Variants in EIF2S3B observed in about 807,000 individuals in gnomAD.
EIF2S3B encodes the protein eukaryotic translation initiation factor 2 subunit 3B.
In EIF2S3B, 16 loss-of-function variants were observed where a neutral mutation model predicts 26.4. The ratio of observed to expected loss-of-function variants is 0.61; its 90% CI spans 0.41 to 0.92. EIF2S3B has a LOEUF of 0.92. Ranked by LOEUF, EIF2S3B falls within the 40% of genes least tolerant of loss-of-function variation. The probability of loss-of-function intolerance (pLI) is 0.00; values close to 1 mark genes in which losing one functional copy is unlikely to be tolerated. For synonymous variants in EIF2S3B, 183 were observed against 204.4 expected (o/e 0.90, Z 0.89); for missense variants, 510 against 575.5 (o/e 0.89, Z 1.16).
downstream of EIF2S3B, among the ~76,000 whole-genome samples, chr12:10,508,961 G>A (rs949644145): frequency 2.6e-5 from 4 of 152,234 alleles, no homozygotes; most frequent in Non-Finnish European, 4.4e-5. Context: ...TAATATTTAT[G>A]TGAGGGTAAT....
exon 2 of EIF2S3B, chr12:10,522,705 T>C: frequency 2.9e-6 from 2 of 685,620 alleles, no homozygotes; most frequent in Non-Finnish European, 5.3e-6. Flanking sequence ...GGAAATCATT[T>C]CTTTCTTTAA....
intron 1 of EIF2S3B, among the ~76,000 whole-genome samples, chr12:10,516,699 G>T (rs1400648836): frequency 6.6e-6 from 1 of 151,808 alleles, no homozygotes; most frequent in East Asian, 1.9e-4. Flanking sequence ...AGTTTTCAAA[G>T]GGAATGCTTC....
At chr12:10,513,357 G>A (rs1021448764), downstream of EIF2S3B, among the ~76,000 whole-genome samples, 1 of 152,124 alleles carries the variant, frequency 6.6e-6, no homozygotes, top group Non-Finnish European at 1.5e-5. Flanking sequence ...TGGCTATCAG[G>A]CATAAATCCC....
At position 10,507,398 on chromosome 12, in the gene EIF2S3B, C is replaced by G. The variant is rs1268267815; in HGVS notation, c.*77C>G. 9.9e-6 allele frequency: 15 copies of G among 1,515,680 alleles called. No individual in the cohort carries two copies. Among genetic ancestry groups the G allele is most frequent in the Non-Finnish European group, 1.4e-5 (15 of 1,093,004 alleles). The allele number at this position is 1,515,680 out of a possible 1,614,324, so 93.9% of individuals were successfully genotyped here. ...CTTTAACAACCAAGGGGTTTATTTT[C>G]AAAGCGATATTGGGGAATTGATTTC... On this transcript the variant is annotated 3_prime_UTR_variant, in exon 1 of 1. Coordinates refer to ENST00000538173, the MANE Select transcript of EIF2S3B (RefSeq NM_001357734.3).
chr12:10,509,441 T>C (rs1262660775), downstream of EIF2S3B, among the ~76,000 whole-genome samples: 2 of 152,124 alleles, frequency 1.3e-5, no homozygotes, highest in Non-Finnish European at 2.9e-5. Flanking sequence ...ATTTTTAAAA[T>C]ATTTACCATA....
intron 1 of EIF2S3B, among the ~76,000 whole-genome samples, chr12:10,520,251 A>G (rs1864815539): frequency 6.6e-6 from 1 of 151,596 alleles, no homozygotes; most frequent in South Asian, 2.1e-4. Flanking sequence ...TCAGTAAACT[A>G]TCACAAGGAC....
At chr12:10,512,361 G>C (rs778532766), downstream of EIF2S3B, among the ~76,000 whole-genome samples, 1 of 152,040 alleles carries the variant, frequency 6.6e-6, no homozygotes, top group Non-Finnish European at 1.5e-5. Flanking sequence ...TCACAAAACT[G>C]TACAGATGCA....
intron 1 of EIF2S3B, among the ~76,000 whole-genome samples, chr12:10,516,001 TAAATTTTATTAAAATAAATTATTTTA>T (rs1480661144): frequency 6.7e-6 from 1 of 150,072 alleles, no homozygotes; most frequent in Non-Finnish European, 1.5e-5. Context: ...AACATATTTT[TAAATTTTATTAAAATAAATTATTTTA>T]AAATTTTATT....
rs1487830260 is a variant in EIF2S3B at position 10,519,702 on chromosome 12, C to T, written c.1309-2901C>T. 6.7e-3 allele frequency among the ~76,000 whole-genome samples: 1,020 copies of T among 152,120 alleles called. 9 individuals carry two copies. The highest frequency in any genetic ancestry group is 0.023 in the African/African-American group (963 of 41,470). On this transcript the variant is annotated intron_variant, in intron 1 of 1. Transcript: ENST00000322446. Reference sequence around the variant, plus strand: ...ACCCCATCAAAAAGTGGGCAAAGGACATGAACAGACACTTCTCAAAAGAAG... The same window carrying T: ...ACCCCATCAAAAAGTGGGCAAAGGATATGAACAGACACTTCTCAAAAGAAG...
intron 1 of EIF2S3B, among the ~76,000 whole-genome samples, chr12:10,517,442 G>A (rs527901270): frequency 7.4e-4 from 112 of 152,218 alleles, no homozygotes; most frequent in Non-Finnish European, 5.1e-4. Context: ...GTATTTCTGT[G>A]GGAATGGTGG....
At chr12:10,510,355 A>G (rs868108347), downstream of EIF2S3B, among the ~76,000 whole-genome samples, 12 of 151,942 alleles carry the variant, frequency 7.9e-5, no homozygotes, top group Non-Finnish European at 1.8e-4. Context: ...CACATGTCTC[A>G]TAAAGCACTT....
At chr12:10,514,013 TC>T (rs1265789129) in intron 1 of EIF2S3B, among the ~76,000 whole-genome samples, 1 of 152,118 alleles carries the variant, frequency 6.6e-6, no homozygotes, top group African/African-American at 2.4e-5. Context: ...AGACTCCATC[TC>T]AAAAAAGATA....
chr12:10,512,927 A>AT (rs1864719757), downstream of EIF2S3B, among the ~76,000 whole-genome samples: 1 of 152,156 alleles, frequency 6.6e-6, no homozygotes. Context: ...TATTCACAAT[A>AT]TTTCATTCAT....
chr12:10,517,422 A>T (rs1025570076), intron 1 of EIF2S3B, among the ~76,000 whole-genome samples: 2 of 152,004 alleles, frequency 1.3e-5, no homozygotes, highest in African/African-American at 4.8e-5. Flanking sequence ...GTATTCTCTG[A>T]TGGTAGTTTG....
downstream of EIF2S3B, among the ~76,000 whole-genome samples, chr12:10,513,018 G>C (rs1036085156): frequency 2.6e-5 from 4 of 152,094 alleles, no homozygotes; most frequent in African/African-American, 9.7e-5. Context: ...CAAAACTATA[G>C]CTAGGACCAT....
intron 1 of EIF2S3B, among the ~76,000 whole-genome samples, chr12:10,521,931 C>T (rs1436969889): frequency 1.3e-5 from 2 of 152,226 alleles, no homozygotes; most frequent in South Asian, 4.1e-4. Flanking sequence ...ACAAATTAAT[C>T]GTATGGCCTT....
intron 1 of EIF2S3B, among the ~76,000 whole-genome samples, chr12:10,520,784 C>G (rs1864823642): frequency 6.6e-6 from 1 of 152,084 alleles, no homozygotes; most frequent in Non-Finnish European, 1.5e-5. Context: ...CAGCATAATT[C>G]TTCAGTTGAA....
intron 1 of EIF2S3B, among the ~76,000 whole-genome samples, chr12:10,514,248 A>AT (rs61248226): frequency 0.6 from 90,881 of 150,928 alleles, 27,435 homozygotes; most frequent in East Asian, 0.75. Flanking sequence ...TCAAAATATC[A>AT]TTTTTTTTTG....
Position 10,507,353 on chromosome 12 carries a change from A to G in EIF2S3B, c.*32A>G. 1 of 1,610,956 alleles carries G rather than the reference A, an allele frequency of 6.2e-7. No individual in the cohort carries two copies. Among genetic ancestry groups the G allele is most frequent in the Non-Finnish European group, 8.5e-7 (1 of 1,177,212 alleles). On this transcript the variant is annotated 3_prime_UTR_variant, in exon 1 of 1. Transcript: ENST00000538173. Reference sequence around the variant, plus strand: ...CCGGTTAAATAATACATTCGGATGGAGCTGGAAGTTGCAATTTCTCTTTAA... The same window carrying G: ...CCGGTTAAATAATACATTCGGATGGGGCTGGAAGTTGCAATTTCTCTTTAA...
Sources: allele counts gnomAD v4.1 joint callset (sites outside exome capture counted in the v4.1 genomes callset), GRCh38; gene constraint gnomAD v4.1.1; transcripts MANE v1.5; gene names NCBI Gene and HGNC (gene_info 2026-07-23, HGNC 2026-07-21).